Variants in CASP2 observed in about 807,000 individuals in gnomAD.
CASP2 encodes the protein caspase 2.
Under a neutral mutation model 54.4 loss-of-function variants are expected in CASP2, and 38 were observed. The observed-to-expected ratio is 0.70, with a 90% CI of 0.54 to 0.92. CASP2 has a LOEUF of 0.92. Ranked by LOEUF, CASP2 falls within the 40% of genes least tolerant of loss-of-function variation. The pLI, the probability that CASP2 is intolerant of heterozygous loss-of-function variation, is 0.00. For synonymous variants in CASP2, 215 were observed against 216.3 expected (o/e 0.99, Z 0.05); for missense variants, 512 against 579.6 (o/e 0.88, Z 1.20).
At position 143,303,791 on chromosome 7, in the gene CASP2, T is replaced by G; in HGVS notation, c.975T>G (p.Thr325=). Residue 325 remains threonine, a synonymous_variant, in exon 9 of 11, where the codon ACT becomes ACG. Coordinates refer to ENST00000310447, the MANE Select transcript of CASP2 (RefSeq NM_032982.4). Reference sequence around the variant, plus strand: ...TGTCTGCCTTTGTTACAGATGAGACTGATCGTGGGGTTGACCAACAAGATG... The same window carrying G: ...TGTCTGCCTTTGTTACAGATGAGACGGATCGTGGGGTTGACCAACAAGATG... ...FFIQACRGDE[T]DRGVDQQDGK... is the part of the protein sequence containing the mutation. The G allele has an allele frequency of 6.2e-7, 1 of 1,613,960 alleles. No individual in the cohort carries two copies. The highest frequency in any genetic ancestry group is 1.1e-5 in the South Asian group (1 of 91,070).
rs115588332 is a variant in CASP2 at position 143,296,693 on chromosome 7, C to T, written c.747+1920C>T. Among the ~76,000 whole-genome samples the T allele has an allele frequency of 7.2e-3, 1,086 of 150,092 alleles. 16 individuals carry two copies. Among genetic ancestry groups the T allele is most frequent in the African/African-American group, 0.026 (1,041 of 40,712 alleles). On this transcript the variant is annotated intron_variant, in intron 6 of 10. Transcript: ENST00000310447. ...GTGGGATCTCCCTAGAGAGTCAACT[C>T]GTTTATCATATAGCTATTTGGCAAG... is the stretch of plus-strand genomic sequence containing the variant.
At chr7:143,295,013 A>G (rs1353704950) in intron 6 of CASP2, among the ~76,000 whole-genome samples, 1 of 149,930 alleles carries the variant, frequency 6.7e-6, no homozygotes, top group Non-Finnish European at 1.5e-5. Context: ...ATAATAGTCC[A>G]CAGTTGGTGT....
In CASP2 at chr7:143,291,577, GAAACTCTAAA is replaced by G; in HGVS notation, c.116_125del (p.Thr39ArgfsTer6). ...GTGTGGCATGCATCCTCATCATCAG[GAAACTCTAAA>G]AAAGAACCGAGTGGTGCTAGCCAAA... On this transcript the variant is annotated frameshift_variant, in exon 2 of 11. Coordinates refer to ENST00000310447, the MANE Select transcript of CASP2 (RefSeq NM_032982.4). LOFTEE classifies it high-confidence loss of function. The G allele has an allele frequency of 6.2e-7, 1 of 1,613,958 alleles. No homozygotes were observed.
intron 6 of CASP2, 108 bp downstream of exon 6, chr7:143,294,881 G>C: frequency 9.8e-7 from 1 of 1,025,120 alleles, no homozygotes; most frequent in South Asian, 1.4e-5. Flanking sequence ...TTAAAAGTTG[G>C]TTTATTCTAC....
intron 1 of CASP2, chr7:143,289,511 A>C (rs753499126): frequency 9.1e-6 from 3 of 329,910 alleles, no homozygotes; most frequent in Non-Finnish European, 1.3e-5. Flanking sequence ...TATTAAGGGC[A>C]GGCCAAAGGC....
chr7:143,290,355 C>T (rs1328870929), intron 1 of CASP2, among the ~76,000 whole-genome samples: 1 of 152,072 alleles, frequency 6.6e-6, no homozygotes, highest in East Asian at 1.9e-4. Context: ...AGCCACCGTG[C>T]CCGGCCTCCC....
At chr7:143,293,078 G>A (rs181652171) in intron 4 of CASP2, 2 of 623,998 alleles carry the variant, frequency 3.2e-6, no homozygotes, top group African/African-American at 1.9e-5. Flanking sequence ...TTCTTGTCTG[G>A]TATCTGGCTT....
chr7:143,295,452 G>A (rs1801716168), intron 6 of CASP2, among the ~76,000 whole-genome samples: 1 of 152,212 alleles, frequency 6.6e-6, no homozygotes, highest in Non-Finnish European at 1.5e-5. Context: ...TTACTGTACT[G>A]CACAACTGAC....
At position 143,294,693 on chromosome 7, in the gene CASP2, G is replaced by A. The variant is rs1252488511; in HGVS notation, c.667G>A (p.Asp223Asn). The part of the protein sequence containing the change: ...EKELEFRSGG[D>N]VDHSTLVTLF... The stretch of plus-strand genomic sequence containing the variant: ...AGAACTGGAATTTCGCTCTGGAGGG[G>A]ATGTGGACCACAGTACTCTAGTCAC... Residue 223 changes from aspartate to asparagine, a missense_variant, in exon 6 of 11, where the codon GAT (aspartate) becomes AAT (asparagine). Asp to Asn is a conservative substitution (Grantham distance 23). Around this residue, in one of 3 missense-constraint regions of CASP2, gnomAD observed 417 missense variants for 495.4 expected, o/e 0.84. Coordinates refer to ENST00000310447, the MANE Select transcript of CASP2 (RefSeq NM_032982.4). The A allele has an allele frequency of 3.1e-6, 5 of 1,614,202 alleles. No individual in the cohort carries two copies. The highest frequency in any genetic ancestry group is 4.2e-6 in the Non-Finnish European group (5 of 1,180,028).
rs1396837248 is a variant in CASP2, at chr7:143,300,953, A to G, written c.967+659A>G. The G allele has an allele frequency of 5.0e-6, 5 of 1,002,862 alleles. No homozygotes were observed. The African/African-American group carries it at 7.0e-5, about 14-fold the overall frequency. 62.1% of individuals were successfully genotyped at this position (1,002,862 alleles called of 1,614,324 possible). On this transcript the variant is annotated intron_variant, in intron 8 of 10. Coordinates refer to ENST00000310447, the MANE Select transcript of CASP2 (RefSeq NM_032982.4). Reference sequence around the variant, plus strand: ...TGTGCTTCTCATCCTGGAGGAAAATAATAGTAATTAAGAGCCCTAACTTTG... The same window carrying G: ...TGTGCTTCTCATCCTGGAGGAAAATGATAGTAATTAAGAGCCCTAACTTTG...
intron 8 of CASP2, chr7:143,300,569 T>C: frequency 6.7e-7 from 1 of 1,483,550 alleles, no homozygotes; most frequent in East Asian, 2.8e-5. Flanking sequence ...CCTTCCTTTC[T>C]GAGAACTCTT....
intron 2 of CASP2, 61 bp from the exon 3 acceptor site, chr7:143,292,239 G>T: frequency 6.4e-7 from 1 of 1,559,746 alleles, no homozygotes; most frequent in South Asian, 1.1e-5. Context: ...AGCTCATGTG[G>T]AGAAATAGAA....
chr7:143,299,516 A>T (rs1801851925), intron 6 of CASP2, among the ~76,000 whole-genome samples: 1 of 152,244 alleles, frequency 6.6e-6, no homozygotes, highest in South Asian at 2.1e-4. Context: ...GTGTAGCTGA[A>T]TGTGCATGTT....
intron 8 of CASP2, chr7:143,300,966 A>C (rs1336283653): frequency 2.0e-6 from 2 of 996,336 alleles, no homozygotes; most frequent in Admixed American, 1.0e-4. Context: ...AGTAATTAAG[A>C]GCCCTAACTT....
chr7:143,291,096 G>A (rs1469576304), intron 1 of CASP2, among the ~76,000 whole-genome samples: 1 of 152,140 alleles, frequency 6.6e-6, no homozygotes, highest in Admixed American at 6.5e-5. Flanking sequence ...TAAAGCCATT[G>A]GCTTGAGTTT....
intron 6 of CASP2, among the ~76,000 whole-genome samples, chr7:143,299,393 G>A (rs1327786710): frequency 6.6e-6 from 1 of 152,096 alleles, no homozygotes; most frequent in Non-Finnish European, 1.5e-5. Flanking sequence ...CTGAAACAAA[G>A]CATTTTATAC....
chr7:143,307,507 A>G lies in CASP2; in HGVS notation c.*2436A>G, dbSNP rs943750948. On this transcript the variant is annotated 3_prime_UTR_variant, in exon 11 of 11. Coordinates refer to ENST00000310447, the MANE Select transcript of CASP2 (RefSeq NM_032982.4). ...TTCACATCTCCCATGGTCCCTAGCA[A>G]AATGCTAGGCCTGTAGTAGTCAAGG... is the stretch of plus-strand genomic sequence containing the variant. 25 of 152,160 alleles carry G rather than the reference A, an allele frequency of 1.6e-4. No homozygotes were observed. The highest frequency in any genetic ancestry group is 2.8e-4 in the Non-Finnish European group (19 of 68,024). 9.4% of individuals were successfully genotyped at this position (152,160 alleles called of 1,614,324 possible). A position where few individuals can be genotyped will look rare whatever the true frequency, so the allele number is the denominator to read the frequency against.
chr7:143,299,904 A>G lies in CASP2; in HGVS notation c.748-19A>G. On this transcript the variant is annotated intron_variant, in intron 6 of 10. Transcript: ENST00000310447. ...GGTGCTGACCTTAGTGCACAACACT[A>G]AACATTCCTTTCTTTTAGGAAATGC... 5 of 1,614,110 alleles carry G rather than the reference A, an allele frequency of 3.1e-6. No homozygotes were observed. Among genetic ancestry groups the G allele is most frequent in the Non-Finnish European group, 4.2e-6 (5 of 1,179,998 alleles).
At position 143,288,398 on chromosome 7, in the gene CASP2, C is replaced by A. The variant is rs970459794; in HGVS notation, c.-58C>A. The stretch of plus-strand genomic sequence containing the variant: ...GGGAGGGATGTGGGGGAAGCGACGG[C>A]CCCCGGTTTGTTTGGGCTGTGGGCG... On this transcript the variant is annotated 5_prime_UTR_variant, in exon 1 of 11. Coordinates refer to ENST00000310447, the MANE Select transcript of CASP2 (RefSeq NM_032982.4). 2.6e-6 allele frequency: 4 copies of A among 1,551,304 alleles called. No homozygotes were observed. Among genetic ancestry groups the A allele is most frequent in the Admixed American group, 3.4e-5 (2 of 58,596 alleles).
Sources: allele counts gnomAD v4.1 joint callset (sites outside exome capture counted in the v4.1 genomes callset), GRCh38; gene constraint gnomAD v4.1.1; regional missense constraint gnomAD v4.1.1; transcripts MANE v1.5; gene names NCBI Gene and HGNC (gene_info 2026-07-23, HGNC 2026-07-21).